Variants in SLC6A16 observed in about 807,000 individuals in gnomAD.
The protein encoded by SLC6A16 is solute carrier family 6 member 16.
Under a neutral mutation model 65.4 loss-of-function variants are expected in SLC6A16, and 54 were observed. That is an observed-to-expected ratio of 0.83 (90% CI 0.66 to 1.04). The LOEUF (loss-of-function observed/expected upper bound fraction) is 1.04, where lower values mean the gene tolerates loss of function less well. SLC6A16 is among the 50% of genes least tolerant of loss of function. SLC6A16 has a pLI of 0.00. For synonymous variants in SLC6A16, 330 were observed against 346.5 expected, an observed-to-expected ratio of 0.95 and a Z score of 0.53; for missense variants, 816 against 914.0, an observed-to-expected ratio of 0.89 and a Z score of 1.38.
chr19:49,310,441 G>C lies in SLC6A16; in HGVS notation c.485C>G (p.Ala162Gly). Residue 162 changes from alanine to glycine, a missense_variant, in exon 3 of 12, where the codon GCA becomes GGA. By Grantham distance (60) the Ala-to-Gly change is moderately conservative. Coordinates refer to ENST00000335875, the MANE Select transcript of SLC6A16 (RefSeq NM_014037.3). Reference protein sequence around the residue: ...VGVPLLFLEMAAGQSMRQGGM... With the variant: ...VGVPLLFLEMGAGQSMRQGGM... ...ACCCTGACGCATGCTCTGACCAGCT[G>C]CCATCTCCAGGAAGAGAAGAGGAAC... 6.2e-7 allele frequency: 1 copy of C among 1,614,122 alleles called. No homozygotes were observed. The highest frequency in any genetic ancestry group is 8.5e-7 in the Non-Finnish European group (1 of 1,179,998).
chr19:49,313,307 C>T (rs115323289), intron 1 of SLC6A16, among the ~76,000 whole-genome samples: 2,671 of 152,072 alleles, frequency 0.018, 76 homozygotes, highest in African/African-American at 0.055. Context: ...GGACTATAGG[C>T]ATGTGCCACC....
At chr19:49,302,085 A>C (rs354013) in intron 7 of SLC6A16, among the ~76,000 whole-genome samples, 106,333 of 152,150 alleles carry the variant, frequency 0.7, 37,502 homozygotes, top group East Asian at 0.83. Flanking sequence ...GTTAGGCACA[A>C]GCTGTCAGGC....
rs141593146 is a variant in SLC6A16 at position 49,323,422 on chromosome 19, T to C, written c.-65+1626A>G. ...AGACACTATCAAAGGGGTGAAAAGATAACCCACAGAATGGGAGGAAATATC... is the reference window on the plus strand; with the variant it reads ...AGACACTATCAAAGGGGTGAAAAGACAACCCACAGAATGGGAGGAAATATC... On this transcript the variant is annotated intron_variant, in intron 1 of 11. Transcript: ENST00000335875. Among the ~76,000 whole-genome samples the C allele has an allele frequency of 7.4e-3, 1,119 of 152,220 alleles. 16 individuals carry two copies. Among genetic ancestry groups the C allele is most frequent in the African/African-American group, 0.025 (1,049 of 41,550 alleles).
Position 49,293,954 on chromosome 19 carries a change from C to T in SLC6A16, c.1491G>A (p.Trp497Ter). The change falls in exon 9 of 12, where the codon TGG becomes TGA. Residue 497 changes from tryptophan to a stop codon, truncating the protein, a stop_gained. Coordinates refer to ENST00000335875, the MANE Select transcript of SLC6A16 (RefSeq NM_014037.3). LOFTEE classifies it high-confidence loss of function. ...AMSFLPPSVF[W>*]SFIFFLMLLA... is the part of the protein sequence containing the mutation. ...GCAACATCAGGAAGAAGATAAAAGACCAGAAGACAGACGGAGGAAGGAAGG... is the reference window on the plus strand; with the variant it reads ...GCAACATCAGGAAGAAGATAAAAGATCAGAAGACAGACGGAGGAAGGAAGG... The T allele has an allele frequency of 6.2e-7, 1 of 1,613,890 alleles. No individual in the cohort carries two copies. The highest frequency in any genetic ancestry group is 8.5e-7 in the Non-Finnish European group (1 of 1,180,006).
the SLC6A16 span, chr19:49,336,679 A>C: frequency 2.0e-6 from 1 of 506,028 alleles, no homozygotes; most frequent in Non-Finnish European, 3.6e-6. Context: ...GAGCTGAAGG[A>C]GGAAGGAGAG....
intron 1 of SLC6A16, among the ~76,000 whole-genome samples, chr19:49,318,884 T>TTC (rs1293041351): frequency 6.7e-6 from 1 of 149,562 alleles, no homozygotes; most frequent in East Asian, 2.0e-4. Context: ...TTTTTTTTTT[T>TTC]TTTTTTTTAG....
chr19:49,298,346 A>G (rs2146086366), intron 7 of SLC6A16, among the ~76,000 whole-genome samples: 1 of 152,372 alleles, frequency 6.6e-6, no homozygotes, highest in Non-Finnish European at 1.5e-5. Flanking sequence ...TATGCATCCA[A>G]CAATAGTCTA....
In SLC6A16 at chr19:49,308,933, A is replaced by T; in HGVS notation, c.1172T>A (p.Phe391Tyr). Reference protein sequence around the residue: ...NLLTLLVFTSFNFCVLGFWAT... With the variant: ...NLLTLLVFTSYNFCVLGFWAT... The stretch of plus-strand genomic sequence containing the variant: ...CCAGAAGCCCAGGACACAGAAGTTG[A>T]AAGATGTGAAAACCAACAAAGTGAG... Residue 391 changes from phenylalanine (F) to tyrosine (Y), a missense_variant, in exon 7 of 12, where the codon TTC (phenylalanine) becomes TAC (tyrosine). Transcript: ENST00000335875. 2.5e-6 allele frequency: 4 copies of T among 1,614,180 alleles called. No homozygotes were observed. The highest frequency in any genetic ancestry group is 3.4e-6 in the Non-Finnish European group (4 of 1,180,034).
chr19:49,296,561 T>C (rs1416432063), intron 7 of SLC6A16, among the ~76,000 whole-genome samples: 1 of 152,208 alleles, frequency 6.6e-6, no homozygotes, highest in Admixed American at 6.5e-5. Context: ...TATTAACAAA[T>C]AGTGCTAGAA....
At chr19:49,337,963 C>T in the SLC6A16 span, 1 of 1,614,096 alleles carries the variant, frequency 6.2e-7, no homozygotes, top group Non-Finnish European at 8.5e-7. Context: ...AGAAAACCAT[C>T]CAAAAGTACG....
chr19:49,316,297 C>G (rs964791540), intron 1 of SLC6A16, among the ~76,000 whole-genome samples: 1 of 151,786 alleles, frequency 6.6e-6, no homozygotes, highest in Non-Finnish European at 1.5e-5. Flanking sequence ...GATTGCAAGC[C>G]CAAAATCCAT....
At chr19:49,332,026 A>C in the SLC6A16 span, 464 of 452,266 alleles carry the variant, frequency 1.0e-3, 1 homozygote, top group Non-Finnish European at 1.9e-3. Flanking sequence ...CAGACTTACT[A>C]CTTAGAACAA....
chr19:49,325,957 T>C (rs1188790551), upstream of SLC6A16, among the ~76,000 whole-genome samples: 1 of 151,124 alleles, frequency 6.6e-6, no homozygotes, highest in Non-Finnish European at 1.5e-5. Context: ...AGGTCAGGAG[T>C]TCGAGACTAG....
In SLC6A16 at chr19:49,310,119, G is replaced by T. The variant is rs1351396861; in HGVS notation, c.621C>A (p.Ile207=). Residue 207 remains isoleucine (I), a synonymous_variant, in exon 4 of 12, where the codon ATC becomes ATA. Transcript: ENST00000335875. ...GGAAGGACTGGCTCATGTAGAAGAT[G>T]ATCCAGGAATTGACCACATTGAAGT... ...GLYFNVVNSW[I]IFYMSQSFQF... is the part of the protein sequence containing the mutation. 3.1e-6 allele frequency: 5 copies of T among 1,614,092 alleles called. No homozygotes were observed. In the South Asian group the frequency reaches 4.4e-5, roughly 14 times the overall value.
chr19:49,340,142 T>TCC, the SLC6A16 span: 1 of 1,515,408 alleles, frequency 6.6e-7, no homozygotes, highest in Non-Finnish European at 9.0e-7. Flanking sequence ...TCCAGCCCCT[T>TCC]CCCGCCCAAT....
rs1357169700 is a variant in SLC6A16, at chr19:49,310,516, A to T, written c.416-6T>A. The T allele has an allele frequency of 6.2e-7, 1 of 1,614,010 alleles. No homozygotes were observed. The highest frequency in any genetic ancestry group is 1.3e-5 in the African/African-American group (1 of 75,038). On this transcript the variant is annotated splice_polypyrimidine_tract_variant and splice_region_variant and intron_variant, in intron 2 of 11. Coordinates refer to ENST00000335875, the MANE Select transcript of SLC6A16 (RefSeq NM_014037.3). The stretch of plus-strand genomic sequence containing the variant: ...GTAGATGGCAGCGAAACTGCCTGTG[A>T]AGAAGATTCAGAAGGGACTCTGAGA...
At chr19:49,332,062 G>A in the SLC6A16 span, 1 of 455,248 alleles carries the variant, frequency 2.2e-6, no homozygotes, top group Non-Finnish European at 4.4e-6. Flanking sequence ...ACATGGTTCT[G>A]TAGGCCAGAA....
Position 49,307,051 on chromosome 19 carries a change from C to CTTTT in SLC6A16, c.1229+1821_1229+1824dup, listed in dbSNP as rs1197711801. On this transcript the variant is annotated intron_variant, in intron 7 of 11. Transcript: ENST00000335875. Reference sequence around the variant, plus strand: ...GTTACACAGTGCATTGTTTTATACACTTTTTTTTTTTTTTTGTTAGAGGAA... The same window carrying CTTTT: ...GTTACACAGTGCATTGTTTTATACACTTTTTTTTTTTTTTTTTTTGTTAGAGGAA... 3.9e-3 allele frequency among the ~76,000 whole-genome samples: 240 copies of CTTTT among 60,998 alleles called. 12 individuals carry two copies. Among genetic ancestry groups the CTTTT allele is most frequent in the African/African-American group, 8.0e-3 (92 of 11,556 alleles). The allele number at this position is 60,998 out of a possible 152,430, so 40.0% of individuals were successfully genotyped here. A position where few individuals can be genotyped will look rare whatever the true frequency, so the allele number is the denominator to read the frequency against.
At chr19:49,324,742 A>C (rs1028684657) in intron 1 of SLC6A16, among the ~76,000 whole-genome samples, 2 of 152,236 alleles carry the variant, frequency 1.3e-5, no homozygotes, top group Non-Finnish European at 2.9e-5. Flanking sequence ...CCACTCGGGC[A>C]CTTGACACTG....
Sources: allele counts gnomAD v4.1 joint callset (sites outside exome capture counted in the v4.1 genomes callset), GRCh38; gene constraint gnomAD v4.1.1; transcripts MANE v1.5; gene names NCBI Gene and HGNC (gene_info 2026-07-23, HGNC 2026-07-21).